Variants in EDIL3 observed in about 807,000 individuals in gnomAD.
The protein encoded by EDIL3 is EGF-like repeat and discoidin I-like domain-containing protein 3.
Under a neutral mutation model 67.4 loss-of-function variants are expected in EDIL3, and 37 were observed. The observed-to-expected ratio is 0.55, with a 90% confidence interval of 0.42 to 0.72. The LOEUF is 0.72. Among genes scored for constraint, EDIL3 ranks in the 30% least tolerant of loss-of-function variants. EDIL3 has a pLI of 0.00. For synonymous variants in EDIL3, 195 were observed against 196.3 expected, an observed-to-expected ratio of 0.99 and a Z score of 0.05; for missense variants, 527 against 586.3, an observed-to-expected ratio of 0.90 and a Z score of 1.04.
intron 9 of EDIL3, among the ~76,000 whole-genome samples, chr5:84,040,380 A>G (rs1019103628): frequency 1.3e-5 from 2 of 152,090 alleles, no homozygotes; most frequent in Non-Finnish European, 2.9e-5. Context: ...ATGGTACTTC[A>G]GAAATTGGTA....
chr5:84,249,952 G>C (rs6888441), intron 2 of EDIL3, among the ~76,000 whole-genome samples: 1 of 151,680 alleles, frequency 6.6e-6, no homozygotes, highest in African/African-American at 2.4e-5. Context: ...TATATATATA[G>C]AGAGAGAGAT....
At chr5:84,299,271 G>T (rs530484010) in intron 1 of EDIL3, among the ~76,000 whole-genome samples, 11 of 152,244 alleles carry the variant, frequency 7.2e-5, no homozygotes, top group African/African-American at 2.4e-4. Flanking sequence ...TCGAAAGAAG[G>T]AGCATGGAAC....
intron 3 of EDIL3, among the ~76,000 whole-genome samples, chr5:84,221,648 TG>T (rs200941442): frequency 2.0e-5 from 3 of 152,120 alleles, no homozygotes; most frequent in Admixed American, 1.3e-4. Context: ...AAGCAGTGAT[TG>T]TTTTTTCCCT....
intron 4 of EDIL3, among the ~76,000 whole-genome samples, chr5:84,146,504 T>G (rs957629348): frequency 1.3e-5 from 2 of 152,150 alleles, no homozygotes; most frequent in African/African-American, 4.8e-5. Context: ...CTCAAAACGT[T>G]GATAATAACC....
intron 4 of EDIL3, among the ~76,000 whole-genome samples, chr5:84,157,805 G>T (rs1748519851): frequency 6.6e-6 from 1 of 151,966 alleles, no homozygotes; most frequent in South Asian, 2.1e-4. Flanking sequence ...TTCTTGTAGA[G>T]ATGTAGTATG....
At chr5:84,083,855 CT>C (rs1340126136) in intron 6 of EDIL3, among the ~76,000 whole-genome samples, 2 of 152,130 alleles carry the variant, frequency 1.3e-5, no homozygotes, top group African/African-American at 4.8e-5. Flanking sequence ...GTCCTTTTGA[CT>C]TTTTAAAATT....
At chr5:84,316,423 A>C (rs1463486244) in intron 1 of EDIL3, among the ~76,000 whole-genome samples, 1 of 152,146 alleles carries the variant, frequency 6.6e-6, no homozygotes, top group African/African-American at 2.4e-5. Flanking sequence ...AAGATCTACA[A>C]AGCAAATGAA....
At chr5:84,363,951 A>G (rs1747673902) in intron 1 of EDIL3, among the ~76,000 whole-genome samples, 1 of 152,162 alleles carries the variant, frequency 6.6e-6, no homozygotes, top group Non-Finnish European at 1.5e-5. Flanking sequence ...ACTATATATC[A>G]GGTTTGTCAT....
intron 10 of EDIL3, among the ~76,000 whole-genome samples, chr5:83,945,860 C>T (rs1561381626): frequency 6.6e-6 from 1 of 151,952 alleles, no homozygotes; most frequent in South Asian, 2.1e-4. Flanking sequence ...ACAGAATTTA[C>T]AGCCTCAAAG....
At chr5:84,257,007 T>C (rs557723589) in intron 1 of EDIL3, among the ~76,000 whole-genome samples, 6 of 152,336 alleles carry the variant, frequency 3.9e-5, no homozygotes, top group African/African-American at 1.4e-4. Flanking sequence ...GTCTCATATT[T>C]ACATATTTAC....
chr5:84,064,431 A>G (rs1359782970), intron 8 of EDIL3, among the ~76,000 whole-genome samples: 2 of 152,116 alleles, frequency 1.3e-5, no homozygotes, highest in East Asian at 1.9e-4. Flanking sequence ...AAAAGTGACA[A>G]TTTTCCCGTG....
chr5:84,207,782 A>T (rs1744016720), intron 3 of EDIL3, among the ~76,000 whole-genome samples: 1 of 152,076 alleles, frequency 6.6e-6, no homozygotes, highest in South Asian at 2.1e-4. Context: ...ACCTGAAAAA[A>T]ACAAGCAATG....
chr5:84,165,138 G>A (rs962112244), intron 4 of EDIL3, among the ~76,000 whole-genome samples: 1 of 152,256 alleles, frequency 6.6e-6, no homozygotes, highest in Middle Eastern at 3.4e-3. Flanking sequence ...TGTGAAGCTG[G>A]TGTCCCTAAC....
intron 1 of EDIL3, among the ~76,000 whole-genome samples, chr5:84,296,689 T>A (rs1580061287): frequency 6.6e-6 from 1 of 152,318 alleles, no homozygotes; most frequent in East Asian, 1.9e-4. Flanking sequence ...CAATTTTTGA[T>A]TTGTTTCAAT....
chr5:84,010,762 G>C (rs1745503895), intron 9 of EDIL3, among the ~76,000 whole-genome samples: 1 of 152,080 alleles, frequency 6.6e-6, no homozygotes, highest in Non-Finnish European at 1.5e-5. Context: ...TGCTAGCACT[G>C]GCTGTTTTGT....
intron 1 of EDIL3, among the ~76,000 whole-genome samples, chr5:84,288,472 A>G (rs191619236): frequency 1.1e-4 from 16 of 152,278 alleles, no homozygotes; most frequent in Admixed American, 3.3e-4. Context: ...ATGAAATTCT[A>G]AAATTTAGCA....
chr5:84,142,834 C>CT (rs886337625), intron 4 of EDIL3, among the ~76,000 whole-genome samples: 10 of 138,836 alleles, frequency 7.2e-5, no homozygotes, highest in African/African-American at 2.3e-4. Context: ...CCCCCCCAAG[C>CT]TTTTTTTTCT....
intron 1 of EDIL3, among the ~76,000 whole-genome samples, chr5:84,376,170 C>G (rs1199209505): frequency 6.6e-6 from 1 of 152,074 alleles, no homozygotes; most frequent in East Asian, 1.9e-4. Flanking sequence ...ATAATAGCAC[C>G]TGCCTCAATA....
chr5:84,053,743 C>T (rs552961952), intron 9 of EDIL3, among the ~76,000 whole-genome samples: 74 of 152,198 alleles, frequency 4.9e-4, no homozygotes, highest in African/African-American at 1.7e-3. Context: ...ATACACTCTC[C>T]CAAGACTAAA....
Sources: gnomAD v4.1 joint callset for allele counts (sites outside exome capture counted in the v4.1 genomes callset) on GRCh38, gnomAD v4.1.1 for gene constraint, MANE v1.5 for transcripts, NCBI Gene and HGNC (gene_info 2026-07-23, HGNC 2026-07-21) for gene names.